The following PARP8 variants were observed in gnomAD, a reference collection of about 807,000 sequenced individuals.
PARP8 encodes the protein poly(ADP-ribose) polymerase family member 8, also known as protein mono-ADP-ribosyltransferase PARP8.
PARP8 carries 51 observed loss-of-function variants against 124.1 expected under a neutral mutation model. The observed-to-expected ratio is 0.41, with a 90% CI of 0.33 to 0.52. The LOEUF (loss-of-function observed/expected upper bound fraction) is 0.52, where lower values mean the gene tolerates loss of function less well. Ranked by LOEUF, PARP8 falls within the 20% of genes least tolerant of loss-of-function variation. The probability of loss-of-function intolerance (pLI) is 0.21; values close to 1 mark genes in which losing one functional copy is unlikely to be tolerated. For synonymous variants in PARP8, 391 were observed against 361.5 expected (o/e 1.08, Z -0.93); for missense variants, 860 against 1,018.9 (o/e 0.84, Z 2.12).
At chr5:50,716,739 A>G (rs1259683422) in intron 2 of PARP8, among the ~76,000 whole-genome samples, 1 of 152,086 alleles carries the variant, frequency 6.6e-6, no homozygotes, top group Non-Finnish European at 1.5e-5. Flanking sequence ...AGTGAATATT[A>G]TCTTTAATCT....
At chr5:50,732,374 C>G (rs1757055841) in intron 2 of PARP8, among the ~76,000 whole-genome samples, 1 of 152,034 alleles carries the variant, frequency 6.6e-6, no homozygotes, top group Non-Finnish European at 1.5e-5. Context: ...ATTTTTAAAA[C>G]CAGTTTTAAG....
At chr5:50,815,173 T>G (rs1427358441) in intron 14 of PARP8, among the ~76,000 whole-genome samples, 1 of 152,182 alleles carries the variant, frequency 6.6e-6, no homozygotes, top group Non-Finnish European at 1.5e-5. Flanking sequence ...ATATTTTTAC[T>G]GCTAAATTGT....
rs1748413871 is a variant in PARP8, at chr5:50,843,895, A to G, written c.*1827A>G. On this transcript the variant is annotated 3_prime_UTR_variant, in exon 26 of 26. Coordinates refer to ENST00000281631, the MANE Select transcript of PARP8 (RefSeq NM_024615.4). Reference sequence around the variant, plus strand: ...CTATACATGACAAACATGAAGATCTAATATCAAGATTTGGGAGACGGGATC... The same window carrying G: ...CTATACATGACAAACATGAAGATCTGATATCAAGATTTGGGAGACGGGATC... 6.6e-6 allele frequency: 1 copy of G among 151,834 alleles called. No individual in the cohort carries two copies. 9.4% of individuals were successfully genotyped at this position (151,834 alleles called of 1,614,324 possible). A position where few individuals can be genotyped will look rare whatever the true frequency, so the allele number is the denominator to read the frequency against.
intron 2 of PARP8, chr5:50,744,954 G>A (rs1486706090): frequency 2.0e-5 from 11 of 544,596 alleles, no homozygotes; most frequent in South Asian, 7.8e-5. Context: ...TTCTTTCCAC[G>A]TTTTTTTGGT....
chr5:50,815,713 T>G (rs1445494574), intron 15 of PARP8, among the ~76,000 whole-genome samples, 189 bp downstream of exon 15: 1 of 152,198 alleles, frequency 6.6e-6, no homozygotes, highest in Admixed American at 6.5e-5. Context: ...TGTTTCGTTA[T>G]TTTGTGATTG....
intron 2 of PARP8, among the ~76,000 whole-genome samples, chr5:50,692,510 T>C (rs1752600649): frequency 6.6e-6 from 1 of 152,038 alleles, no homozygotes; most frequent in African/African-American, 2.4e-5. Context: ...TTTGGTCTTG[T>C]TTCTTAGCAC....
chr5:50,670,257 A>G (rs1203176777), intron 2 of PARP8, among the ~76,000 whole-genome samples: 1 of 152,176 alleles, frequency 6.6e-6, no homozygotes, highest in Non-Finnish European at 1.5e-5. Flanking sequence ...GACTTTATTG[A>G]AGGAGGTGGG....
chr5:50,824,557 C>T (rs1165256936), intron 17 of PARP8, among the ~76,000 whole-genome samples: 1 of 151,910 alleles, frequency 6.6e-6, no homozygotes, highest in African/African-American at 2.4e-5. Context: ...TGGGTTGGTA[C>T]AATATACATT....
chr5:50,794,844 A>G lies in PARP8; in HGVS notation c.864-9A>G, dbSNP rs767913554. ...TTTGCCCTGTAGTAATTGTTGTTCAATTTTGAAGGTCGCCAAGTTATCCTC... is the reference window on the plus strand; with the variant it reads ...TTTGCCCTGTAGTAATTGTTGTTCAGTTTTGAAGGTCGCCAAGTTATCCTC... On this transcript the variant is annotated splice_polypyrimidine_tract_variant and intron_variant, in intron 11 of 25. Coordinates refer to ENST00000281631, the MANE Select transcript of PARP8 (RefSeq NM_024615.4). 4.4e-6 allele frequency: 7 copies of G among 1,607,734 alleles called. No homozygotes were observed. The highest frequency in any genetic ancestry group is 6.0e-6 in the Non-Finnish European group (7 of 1,176,212).
intron 3 of PARP8, among the ~76,000 whole-genome samples, chr5:50,751,750 A>G (rs1285396593): frequency 6.6e-6 from 1 of 152,176 alleles, no homozygotes; most frequent in Non-Finnish European, 1.5e-5. Flanking sequence ...TAGTTTGGTG[A>G]TAAAATCAAG....
At chr5:50,691,114 G>A (rs1466283412) in intron 2 of PARP8, among the ~76,000 whole-genome samples, 1 of 152,156 alleles carries the variant, frequency 6.6e-6, no homozygotes, top group African/African-American at 2.4e-5. Context: ...AATCCACTGC[G>A]TGACTTACCT....
rs1748403410 is a variant in PARP8, at chr5:50,843,788, C to T, written c.*1720C>T. 6.6e-6 allele frequency: 1 copy of T among 151,750 alleles called. No homozygotes were observed. The highest frequency in any genetic ancestry group is 2.4e-5 in the African/African-American group (1 of 41,370). The allele number at this position is 151,750 out of a possible 1,614,324, so 9.4% of individuals were successfully genotyped here. ...TTTTTTGCCAAGATGCTGCAAGTCT[C>T]CCAAATCACTTCAACTGTGTTTTTA... On this transcript the variant is annotated 3_prime_UTR_variant, in exon 26 of 26. Transcript: ENST00000281631.
intron 10 of PARP8, among the ~76,000 whole-genome samples, chr5:50,793,584 T>C (rs1407860271): frequency 1.3e-5 from 2 of 152,230 alleles, no homozygotes; most frequent in Non-Finnish European, 2.9e-5. Flanking sequence ...TACCCAGTTT[T>C]TAAAATTTAG....
rs1374107031 is a variant in PARP8, at chr5:50,846,262, C to T, written c.*4194C>T. 2.0e-5 allele frequency: 3 copies of T among 151,632 alleles called. No homozygotes were observed. Among genetic ancestry groups the T allele is most frequent in the African/African-American group, 7.3e-5 (3 of 41,360 alleles). The allele number at this position is 151,632 out of a possible 1,614,324, so 9.4% of individuals were successfully genotyped here. On this transcript the variant is annotated 3_prime_UTR_variant, in exon 26 of 26. Coordinates refer to ENST00000281631, the MANE Select transcript of PARP8 (RefSeq NM_024615.4). ...TATACAGCCTCTTTACAATAAATTT[C>T]TTGATTTTTGTGCACAGGATAGTAT...
intron 2 of PARP8, among the ~76,000 whole-genome samples, chr5:50,671,624 G>A (rs907439180): frequency 6.6e-6 from 1 of 151,812 alleles, no homozygotes; most frequent in Admixed American, 6.6e-5. Flanking sequence ...ATTTTTATGT[G>A]TCTATATACA....
intron 2 of PARP8, among the ~76,000 whole-genome samples, chr5:50,716,381 G>A (rs548120571): frequency 1.6e-4 from 24 of 152,204 alleles, no homozygotes; most frequent in African/African-American, 5.8e-4. Flanking sequence ...CTGTGAAGTA[G>A]GAAGGTGCTC....
At chr5:50,725,796 A>G (rs1756368114) in intron 2 of PARP8, among the ~76,000 whole-genome samples, 1 of 152,176 alleles carries the variant, frequency 6.6e-6, no homozygotes, top group South Asian at 2.1e-4. Flanking sequence ...AGTCTTTCTA[A>G]AATATAATCA....
chr5:50,817,238 A>G (rs1259159827), intron 15 of PARP8, among the ~76,000 whole-genome samples: 2 of 152,248 alleles, frequency 1.3e-5, no homozygotes, highest in Non-Finnish European at 2.9e-5. Flanking sequence ...TGAAATTCAA[A>G]TTATATAATG....
At chr5:50,748,602 T>C (rs1758874917) in intron 2 of PARP8, among the ~76,000 whole-genome samples, 1 of 152,170 alleles carries the variant, frequency 6.6e-6, no homozygotes, top group Admixed American at 6.5e-5. Flanking sequence ...TATTTTTCCT[T>C]TGTTTTTGGT....
Sources: gnomAD v4.1 joint callset for allele counts (sites outside exome capture counted in the v4.1 genomes callset) on GRCh38, gnomAD v4.1.1 for gene constraint, MANE v1.5 for transcripts, NCBI Gene and HGNC (gene_info 2026-07-23, HGNC 2026-07-21) for gene names.